The following MTR variants were observed in gnomAD, a reference collection of about 807,000 sequenced individuals.
The protein encoded by MTR is 5-methyltetrahydrofolate-homocysteine methyltransferase.
In MTR, 84 loss-of-function variants were observed where a neutral mutation model predicts 154.8. The observed-to-expected ratio is 0.54, with a 90% confidence interval of 0.45 to 0.65. The LOEUF (loss-of-function observed/expected upper bound fraction) is 0.65. MTR is among the 30% of genes least tolerant of loss of function. The pLI is 0.00. For missense variants in MTR, 1,275 were observed against 1,570.2 expected (o/e 0.81, Z 3.18); for synonymous variants, 554 against 553.9 (o/e 1.00, Z 0.00).
intron 9 of MTR, 56 bp from the exon 10 acceptor site, chr1:236,825,282 A>C: frequency 1.6e-6 from 2 of 1,279,326 alleles, no homozygotes; most frequent in South Asian, 2.4e-5. Flanking sequence ...GTCTTTAAAA[A>C]TACAGTGTAT....
chr1:236,834,957 T>C (rs949804899), intron 13 of MTR, among the ~76,000 whole-genome samples: 12 of 152,228 alleles, frequency 7.9e-5, no homozygotes, highest in Non-Finnish European at 1.0e-4. Context: ...GAAATTTATT[T>C]AAGTCACATT....
chr1:236,820,305 G>A (rs1661854939), intron 8 of MTR: 4 of 753,276 alleles, frequency 5.3e-6, no homozygotes, highest in Non-Finnish European at 9.7e-6. Context: ...CTGTGACCAA[G>A]GAGGAGTTTC....
rs761948163 is a variant in MTR, at chr1:236,863,567, C to T, written c.2405+13C>T. On this transcript the variant is annotated intron_variant, in intron 22 of 32. Coordinates refer to ENST00000366577, the MANE Select transcript of MTR (RefSeq NM_000254.3). ...GCAATAATTTCCGGTAAGTTAGGAC[C>T]TCACCTCTTTCAACCCCTTTTCCAT... 2.4e-5 allele frequency: 38 copies of T among 1,605,438 alleles called. No homozygotes were observed. In the Admixed American group the frequency reaches 6.3e-4, roughly 27 times the overall value.
chr1:236,886,885 C>A (rs1206852146), intron 27 of MTR, among the ~76,000 whole-genome samples: 2 of 152,188 alleles, frequency 1.3e-5, no homozygotes, highest in Non-Finnish European at 2.9e-5. Flanking sequence ...ATTCACACAT[C>A]TTTAAAACAC....
rs1450679348 is a variant in MTR at position 236,851,393 on chromosome 1, GA to G, written c.1695+872del. ...GTGCTGTCTAGTGTTCTAAGCACAA[GA>G]AGGCTGTGATGTTCCTTAGGGAGGA... On this transcript the variant is annotated intron_variant, in intron 16 of 32. Coordinates refer to ENST00000366577, the MANE Select transcript of MTR (RefSeq NM_000254.3). 2.6e-5 allele frequency among the ~76,000 whole-genome samples: 4 copies of G among 152,210 alleles called. No individual in the cohort carries two copies. In the East Asian group the frequency reaches 7.7e-4, roughly 29 times the overall value.
intron 1 of MTR, among the ~76,000 whole-genome samples, chr1:236,797,845 C>G (rs1286429696): frequency 1.3e-5 from 2 of 151,774 alleles, no homozygotes; most frequent in Non-Finnish European, 2.9e-5. Flanking sequence ...ATAACCCCAG[C>G]TACTCAGGAG....
At chr1:236,817,449 C>T (rs1334512431) in intron 8 of MTR, among the ~76,000 whole-genome samples, 1 of 152,146 alleles carries the variant, frequency 6.6e-6, no homozygotes, top group African/African-American at 2.4e-5. Flanking sequence ...TTAGCTTTTG[C>T]CATAAAAAGT....
intron 22 of MTR, among the ~76,000 whole-genome samples, 167 bp downstream of exon 22, chr1:236,863,721 C>G (rs1177044720): frequency 1.3e-5 from 2 of 152,092 alleles, no homozygotes; most frequent in Non-Finnish European, 2.9e-5. Flanking sequence ...TACGTGAACA[C>G]AGCATTTCAA....
intron 6 of MTR, among the ~76,000 whole-genome samples, chr1:236,813,425 GT>G (rs1426761400): frequency 1.3e-5 from 2 of 152,126 alleles, no homozygotes; most frequent in African/African-American, 2.4e-5. Flanking sequence ...GGGTATATGC[GT>G]TGTTAATTTT....
chr1:236,819,265 T>A (rs1292443786), intron 8 of MTR, among the ~76,000 whole-genome samples: 2 of 152,200 alleles, frequency 1.3e-5, no homozygotes, highest in African/African-American at 2.4e-5. Context: ...AGTTATTTAT[T>A]CTTTTTCCTG....
chr1:236,879,322 T>G lies in MTR; in HGVS notation c.2595-1433T>G, dbSNP rs181317107. Among the ~76,000 whole-genome samples, 35 of 152,360 alleles carry G rather than the reference T, an allele frequency of 2.3e-4. No individual in the cohort carries two copies. In the East Asian group the frequency reaches 5.8e-3, roughly 25 times the overall value. ...ACTTAGATACAGGATTGGTTGGTTG[T>G]TTGGAAAAGCTTGAGGGTGGTGTTT... On this transcript the variant is annotated intron_variant, in intron 24 of 32. Transcript: ENST00000366577.
chr1:236,902,914 A>C lies in MTR; in HGVS notation c.*5270A>C, dbSNP rs1227191980. Reference sequence around the variant, plus strand: ...GCTATGTGTATTGTCAAATTGTAGAACTGAAAGTATATTCTGATTCGGTGT... The same window carrying C: ...GCTATGTGTATTGTCAAATTGTAGACCTGAAAGTATATTCTGATTCGGTGT... On this transcript the variant is annotated 3_prime_UTR_variant, in exon 33 of 33. Coordinates refer to ENST00000366577, the MANE Select transcript of MTR (RefSeq NM_000254.3). 3 of 152,214 alleles carry C rather than the reference A, an allele frequency of 2.0e-5. No homozygotes were observed. The highest frequency in any genetic ancestry group is 4.4e-5 in the Non-Finnish European group (3 of 68,034). The allele number at this position is 152,214 out of a possible 1,614,324, so 9.4% of individuals were successfully genotyped here.
At chr1:236,864,569 G>A (rs1195538451) in intron 22 of MTR, among the ~76,000 whole-genome samples, 1 of 152,060 alleles carries the variant, frequency 6.6e-6, no homozygotes, top group Non-Finnish European at 1.5e-5. Context: ...TCCTAGAAAC[G>A]AGGAATACTA....
At chr1:236,841,959 T>A (rs10925246) in intron 15 of MTR, among the ~76,000 whole-genome samples, 3 of 150,956 alleles carry the variant, frequency 2.0e-5, no homozygotes, top group African/African-American at 7.3e-5. Flanking sequence ...GGCGCGATCT[T>A]GGCTCACTGC....
chr1:236,833,651 T>C (rs1214978114), intron 13 of MTR, among the ~76,000 whole-genome samples: 3 of 152,336 alleles, frequency 2.0e-5, no homozygotes, highest in South Asian at 2.1e-4. Flanking sequence ...CTAGCTCTTA[T>C]GACTTAATGA....
At position 236,863,574 on chromosome 1, in the gene MTR, C is replaced by G. The variant is rs1451728975; in HGVS notation, c.2405+20C>G. On this transcript the variant is annotated intron_variant, in intron 22 of 32. Transcript: ENST00000366577. ...TTTCCGGTAAGTTAGGACCTCACCT[C>G]TTTCAACCCCTTTTCCATTTAAAAA... 1.3e-6 allele frequency: 2 copies of G among 1,587,230 alleles called. No individual in the cohort carries two copies. The highest frequency in any genetic ancestry group is 1.3e-5 in the African/African-American group (1 of 74,456).
At chr1:236,887,575 C>T (rs371398608) in intron 27 of MTR, among the ~76,000 whole-genome samples, 4 of 152,164 alleles carry the variant, frequency 2.6e-5, no homozygotes, top group Admixed American at 1.3e-4. Context: ...ATTCAAACAT[C>T]CAAAACGTAT....
intron 1 of MTR, chr1:236,800,452 A>C (rs1484619766): frequency 1.0e-6 from 1 of 985,340 alleles, no homozygotes; most frequent in East Asian, 1.1e-4. Flanking sequence ...CCTTTTGAGA[A>C]GAAAGCGATT....
chr1:236,899,761 T>C lies in MTR; in HGVS notation c.*2117T>C, dbSNP rs959039359. On this transcript the variant is annotated 3_prime_UTR_variant, in exon 33 of 33. Coordinates refer to ENST00000366577, the MANE Select transcript of MTR (RefSeq NM_000254.3). ...GATGAAGGATTCATAATCACAAATA[T>C]AGAGAATTCCTATTTAAAAAAATAG... The C allele has an allele frequency of 6.6e-6, 1 of 152,224 alleles. No homozygotes were observed. Among genetic ancestry groups the C allele is most frequent in the Non-Finnish European group, 1.5e-5 (1 of 68,082 alleles). 9.4% of individuals were successfully genotyped at this position (152,224 alleles called of 1,614,324 possible). A position where few individuals can be genotyped will look rare whatever the true frequency, so the allele number is the denominator to read the frequency against.
Sources: gnomAD v4.1 joint callset for allele counts (sites outside exome capture counted in the v4.1 genomes callset) on GRCh38, gnomAD v4.1.1 for gene constraint, MANE v1.5 for transcripts, NCBI Gene and HGNC (gene_info 2026-07-23, HGNC 2026-07-21) for gene names.